PLCB1: variants seen among roughly 807,000 people sequenced by gnomAD.
PLCB1 encodes the protein phospholipase C beta 1.
A neutral mutation model predicts 161.8 loss-of-function variants in PLCB1; 46 were observed. That is an observed-to-expected ratio of 0.28 (90% CI 0.22 to 0.36). The LOEUF (loss-of-function observed/expected upper bound fraction) is 0.36. Among genes scored for constraint, PLCB1 ranks in the 10% least tolerant of loss-of-function variants. PLCB1 has a pLI of 1.00. For synonymous variants in PLCB1, 517 were observed against 503.7 expected (o/e 1.03, Z -0.35); for missense variants, 1,016 against 1,472.5 (o/e 0.69, Z 5.07).
intron 2 of PLCB1, among the ~76,000 whole-genome samples, chr20:8,299,768 A>G (rs749847098): frequency 1.1e-4 from 16 of 152,168 alleles, no homozygotes; most frequent in African/African-American, 1.7e-4. Context: ...CTCATCTTCT[A>G]TGCAATCTAT....
chr20:8,807,121 A>G lies in PLCB1; in HGVS notation c.3423+16860A>G, dbSNP rs777159779. On this transcript the variant is annotated intron_variant, in intron 31 of 31. Transcript: ENST00000338037. ...TTGCGTATGTCTGAGTGACCTTTTT[A>G]TGATCTCTTTTGAGTCCGTGAAGGA... Among the ~76,000 whole-genome samples, 14 of 152,306 alleles carry G rather than the reference A, an allele frequency of 9.2e-5. No individual in the cohort carries two copies. The South Asian group carries it at 1.9e-3, about 20-fold the overall frequency.
At chr20:8,549,139 A>G (rs1242585469) in intron 3 of PLCB1, among the ~76,000 whole-genome samples, 1 of 152,190 alleles carries the variant, frequency 6.6e-6, no homozygotes, top group Admixed American at 6.5e-5. Flanking sequence ...TGTTCTGCAC[A>G]TGTATCCTAG....
At chr20:8,545,711 A>G (rs1455785990) in intron 3 of PLCB1, among the ~76,000 whole-genome samples, 4 of 152,232 alleles carry the variant, frequency 2.6e-5, no homozygotes, top group Non-Finnish European at 5.9e-5. Context: ...GCCAAAGTAA[A>G]AAGCCCTGAA....
intron 3 of PLCB1, among the ~76,000 whole-genome samples, chr20:8,411,912 T>C (rs1255932286): frequency 1.3e-5 from 2 of 151,862 alleles, no homozygotes; most frequent in Non-Finnish European, 2.9e-5. Flanking sequence ...AATTCCAGCT[T>C]CTTGAGAGAC....
chr20:8,267,946 C>CT (rs1008019092), intron 2 of PLCB1, among the ~76,000 whole-genome samples: 2 of 141,976 alleles, frequency 1.4e-5, no homozygotes, highest in African/African-American at 5.2e-5. Flanking sequence ...ATCAGAGGTA[C>CT]TTTCCATCTG....
In PLCB1 at chr20:8,398,325, A is replaced by G. The variant is rs561785333; in HGVS notation, c.246+26875A>G. Among the ~76,000 whole-genome samples the G allele has an allele frequency of 1.1e-4, 16 of 152,306 alleles. 1 individual carries two copies. The South Asian group carries it at 1.2e-3, about 12-fold the overall frequency. ...AATATGTCATAATATATGTCTTAAT[A>G]TACATAAATATGTCTTAGTCACTTT... On this transcript the variant is annotated intron_variant, in intron 3 of 31. Transcript: ENST00000338037.
At chr20:8,684,720 T>C (rs889245982) in intron 9 of PLCB1, among the ~76,000 whole-genome samples, 1 of 152,076 alleles carries the variant, frequency 6.6e-6, no homozygotes, top group South Asian at 2.1e-4. Context: ...GAAAATTTGG[T>C]GGGGCTCATG....
chr20:8,481,238 AC>A (rs1173966202), intron 3 of PLCB1, among the ~76,000 whole-genome samples: 2 of 152,170 alleles, frequency 1.3e-5, no homozygotes, highest in African/African-American at 4.8e-5. Context: ...GACAAAAAAA[AC>A]TTCAGATATT....
intron 3 of PLCB1, among the ~76,000 whole-genome samples, chr20:8,494,689 A>G (rs1259585105): frequency 6.6e-6 from 1 of 152,140 alleles, no homozygotes; most frequent in Admixed American, 6.5e-5. Flanking sequence ...TCTTGCTCAG[A>G]AAGTTTCATA....
chr20:8,555,677 G>A (rs1568506168), intron 3 of PLCB1, among the ~76,000 whole-genome samples: 2 of 152,024 alleles, frequency 1.3e-5, no homozygotes, highest in Non-Finnish European at 2.9e-5. Flanking sequence ...TAATGATAAG[G>A]TAAAGCCAAC....
intron 2 of PLCB1, among the ~76,000 whole-genome samples, chr20:8,321,138 C>A (rs147752422): frequency 2.0e-5 from 3 of 152,160 alleles, no homozygotes; most frequent in Admixed American, 6.5e-5. Context: ...TGAAATAAAC[C>A]GTTTAGGTAG....
At chr20:8,869,390 C>T (rs1987538193) in intron 31 of PLCB1, among the ~76,000 whole-genome samples, 1 of 152,092 alleles carries the variant, frequency 6.6e-6, no homozygotes, top group African/African-American at 2.4e-5. Context: ...GAAAGTATTC[C>T]AGTGCTGACA....
intron 2 of PLCB1, among the ~76,000 whole-genome samples, chr20:8,264,560 C>A (rs554161679): frequency 7.9e-5 from 12 of 152,242 alleles, no homozygotes; most frequent in South Asian, 4.1e-4. Context: ...CTTGTACCAG[C>A]AATACCATAA....
At chr20:8,702,282 G>GT (rs1287603246) in intron 11 of PLCB1, among the ~76,000 whole-genome samples, 1 of 152,044 alleles carries the variant, frequency 6.6e-6, no homozygotes, top group Non-Finnish European at 1.5e-5. Flanking sequence ...TCACCACTTA[G>GT]TTTTTTCATT....
intron 31 of PLCB1, among the ~76,000 whole-genome samples, chr20:8,836,459 A>AAGACTGATACAGATTT (rs1986288164): frequency 6.6e-6 from 1 of 152,242 alleles, no homozygotes; most frequent in South Asian, 2.1e-4. Context: ...CTGGAGAACC[A>AAGACTGATACAGATTT]AGACTGATAC....
chr20:8,743,281 C>A (rs940837603), intron 23 of PLCB1, among the ~76,000 whole-genome samples: 13 of 152,088 alleles, frequency 8.5e-5, no homozygotes, highest in Non-Finnish European at 1.5e-4. Context: ...TGAATTTTAT[C>A]AAATGCTTTT....
At chr20:8,521,378 C>G (rs1047237576) in intron 3 of PLCB1, among the ~76,000 whole-genome samples, 1 of 151,580 alleles carries the variant, frequency 6.6e-6, no homozygotes, top group Non-Finnish European at 1.5e-5. Context: ...GTGCTGATGG[C>G]CAAGGTACTT....
chr20:8,843,706 A>G (rs1986590740), intron 31 of PLCB1, among the ~76,000 whole-genome samples: 1 of 152,210 alleles, frequency 6.6e-6, no homozygotes, highest in South Asian at 2.1e-4. Context: ...ATGATTCAAA[A>G]CAAATCTTTG....
At chr20:8,226,343 G>T (rs1979683065) in intron 2 of PLCB1, among the ~76,000 whole-genome samples, 1 of 152,024 alleles carries the variant, frequency 6.6e-6, no homozygotes, top group African/African-American at 2.4e-5. Flanking sequence ...ACCTTTGCCT[G>T]GTCACCTCCC....
Sources: gnomAD v4.1 joint callset for allele counts (sites outside exome capture counted in the v4.1 genomes callset) on GRCh38, gnomAD v4.1.1 for gene constraint, MANE v1.5 for transcripts, NCBI Gene and HGNC (gene_info 2026-07-23, HGNC 2026-07-21) for gene names.